BMAL2: variants seen among roughly 807,000 people sequenced by gnomAD.
BMAL2 encodes basic helix-loop-helix ARNT like 2.
chr12:27,332,841 G>A, the BMAL2 span: 5 of 176,462 alleles, frequency 2.8e-5, no homozygotes, highest in Non-Finnish European at 4.7e-5. Flanking sequence ...CGCCCAGAGC[G>A]GCGGGCGGCT....
the BMAL2 span, among the ~76,000 whole-genome samples, chr12:27,412,317 G>C: frequency 1.3e-5 from 2 of 152,188 alleles, no homozygotes; most frequent in African/African-American, 4.8e-5. Context: ...AGTGGCTTCA[G>C]AAAACAGAGA....
chr12:27,368,356 C>G, the BMAL2 span: 1 of 1,614,168 alleles, frequency 6.2e-7, no homozygotes, highest in Non-Finnish European at 8.5e-7. Flanking sequence ...GGTCTTTCAG[C>G]TCACACATGA....
the BMAL2 span, chr12:27,385,487 C>T: frequency 1.4e-5 from 22 of 1,604,928 alleles, no homozygotes; most frequent in Non-Finnish European, 1.9e-5. Context: ...TTAGGCTTGA[C>T]AAATTCTTAT....
the BMAL2 span, among the ~76,000 whole-genome samples, chr12:27,381,158 C>A: frequency 2.6e-5 from 4 of 152,098 alleles, no homozygotes; most frequent in East Asian, 5.8e-4. Context: ...ATATGTGAGA[C>A]ACTGGGGGAA....
chr12:27,390,392 T>TA, the BMAL2 span: 13 of 800,822 alleles, frequency 1.6e-5, no homozygotes, highest in Non-Finnish European at 2.5e-5. Context: ...CAAAATTACT[T>TA]ACATTTGTTC....
At chr12:27,369,812 G>A in the BMAL2 span, among the ~76,000 whole-genome samples, 1 of 152,122 alleles carries the variant, frequency 6.6e-6, no homozygotes, top group Non-Finnish European at 1.5e-5. Flanking sequence ...GTCAGTGCTA[G>A]CAAAAATATA....
the BMAL2 span, among the ~76,000 whole-genome samples, chr12:27,379,736 ACT>A: frequency 1.3e-5 from 2 of 152,102 alleles, no homozygotes; most frequent in Non-Finnish European, 2.9e-5. Context: ...TGGAAATTGC[ACT>A]CTTTCAGGGA....
At chr12:27,362,803 T>TTTG in the BMAL2 span, among the ~76,000 whole-genome samples, 600 of 152,116 alleles carry the variant, frequency 3.9e-3, 2 homozygotes, top group Non-Finnish European at 5.6e-3. Context: ...ATTATCGGTT[T>TTTG]TTGTTGTTGT....
the BMAL2 span, chr12:27,333,159 G>A: frequency 5.8e-6 from 7 of 1,199,518 alleles, no homozygotes; most frequent in African/African-American, 4.8e-5. Context: ...CGTCTGACGC[G>A]CTGGGGGCGT....
the BMAL2 span, among the ~76,000 whole-genome samples, chr12:27,393,869 A>G: frequency 2.0e-5 from 3 of 152,204 alleles, no homozygotes; most frequent in African/African-American, 7.2e-5. Flanking sequence ...TGGGTGGTGG[A>G]AAGTGTGATG....
chr12:27,343,111 T>C, the BMAL2 span, among the ~76,000 whole-genome samples: 1 of 152,262 alleles, frequency 6.6e-6, no homozygotes, highest in African/African-American at 2.4e-5. Context: ...ATTGTGATCA[T>C]CATTGTTTGT....
the BMAL2 span, chr12:27,422,349 G>A: frequency 2.6e-5 from 4 of 152,006 alleles, no homozygotes; most frequent in African/African-American, 9.7e-5. Context: ...AGAGCCCCTC[G>A]CCAAAACAAA....
the BMAL2 span, among the ~76,000 whole-genome samples, chr12:27,370,684 C>A: frequency 5.3e-5 from 8 of 152,152 alleles, no homozygotes; most frequent in Non-Finnish European, 1.2e-4. Flanking sequence ...CGGCTCACTG[C>A]AACCTCCGCC....
At chr12:27,391,881 T>C in the BMAL2 span, among the ~76,000 whole-genome samples, 1 of 152,112 alleles carries the variant, frequency 6.6e-6, no homozygotes, top group African/African-American at 2.4e-5. Flanking sequence ...CTCTGAGTGG[T>C]GGAGAGCTGT....
At chr12:27,370,107 C>T in the BMAL2 span, 2 of 1,587,614 alleles carry the variant, frequency 1.3e-6, no homozygotes, top group African/African-American at 1.3e-5. Context: ...TAGGGGGTGA[C>T]CCAAGGCCTC....
At chr12:27,354,175 C>T in the BMAL2 span, among the ~76,000 whole-genome samples, 1 of 152,174 alleles carries the variant, frequency 6.6e-6, no homozygotes, top group Admixed American at 6.6e-5. Flanking sequence ...CCTAGGTGCT[C>T]ATCAGTGGCG....
the BMAL2 span, among the ~76,000 whole-genome samples, chr12:27,341,519 A>G: frequency 6.6e-6 from 1 of 152,200 alleles, no homozygotes; most frequent in Non-Finnish European, 1.5e-5. Context: ...TGGTTAGCGC[A>G]GCTACTTATC....
the BMAL2 span, among the ~76,000 whole-genome samples, chr12:27,402,304 A>T: frequency 0.21 from 31,355 of 151,976 alleles, 3,572 homozygotes; most frequent in East Asian, 0.46. Context: ...AAAATAATAA[A>T]AAAAAAAAAA....
At chr12:27,386,776 T>A in the BMAL2 span, among the ~76,000 whole-genome samples, 1 of 152,118 alleles carries the variant, frequency 6.6e-6, no homozygotes, top group East Asian at 1.9e-4. Flanking sequence ...ACTAGAGGCG[T>A]GCACCACCAT....
Sources: allele counts gnomAD v4.1 joint callset (sites outside exome capture counted in the v4.1 genomes callset), GRCh38; gene constraint gnomAD v4.1.1; transcripts MANE v1.5; gene names NCBI Gene and HGNC (gene_info 2026-07-23, HGNC 2026-07-21).